TANC1: variants seen among roughly 807,000 people sequenced by gnomAD.
TANC1 encodes the protein tetratricopeptide repeat, ankyrin repeat and coiled-coil containing 1.
Under a neutral mutation model 149.7 loss-of-function variants are expected in TANC1, and 77 were observed. The observed-to-expected ratio is 0.51, with a 90% CI of 0.43 to 0.62. TANC1 has a LOEUF of 0.62. Among genes scored for constraint, TANC1 ranks in the 20% least tolerant of loss-of-function variants. The pLI is 0.00. For missense variants in TANC1, 1,985 were observed against 2,321.8 expected, an observed-to-expected ratio of 0.85 and a Z score of 2.98; for synonymous variants, 854 against 925.0, an observed-to-expected ratio of 0.92 and a Z score of 1.39.
intron 19 of TANC1, 128 bp from the exon 20 acceptor site, chr2:159,217,369 C>T (rs2059414105): frequency 2.5e-6 from 3 of 1,209,206 alleles, no homozygotes; most frequent in Admixed American, 4.1e-5. Context: ...CACAGAGCCC[C>T]CGCAGGTTCA....
intron 3 of TANC1, among the ~76,000 whole-genome samples, chr2:159,071,027 C>T (rs375288349): frequency 2.0e-5 from 3 of 152,036 alleles, no homozygotes; most frequent in East Asian, 3.9e-4. Context: ...GAGATTTTGT[C>T]CTTACTCTGG....
chr2:158,998,256 A>C (rs1387045335), intron 1 of TANC1, among the ~76,000 whole-genome samples: 4 of 152,018 alleles, frequency 2.6e-5, no homozygotes, highest in Non-Finnish European at 4.4e-5. Flanking sequence ...AAAAAAAAAA[A>C]GAAAAAAGTT....
intron 2 of TANC1, among the ~76,000 whole-genome samples, chr2:159,008,945 T>C (rs1174100306): frequency 6.6e-6 from 1 of 152,100 alleles, no homozygotes; most frequent in African/African-American, 2.4e-5. Context: ...TGAATTTAAA[T>C]TTATTTGGGA....
At chr2:159,218,884 C>G (rs763101156) in intron 20 of TANC1, among the ~76,000 whole-genome samples, 90 of 152,192 alleles carry the variant, frequency 5.9e-4, no homozygotes, top group Admixed American at 1.1e-3. Context: ...ACCCCATGAC[C>G]GCTGCTCGCC....
chr2:159,138,711 C>T (rs934326458), intron 5 of TANC1, among the ~76,000 whole-genome samples: 7 of 152,290 alleles, frequency 4.6e-5, no homozygotes, highest in Middle Eastern at 3.4e-3. Flanking sequence ...TTCTAAGACG[C>T]TTTTCTGGGT....
intron 19 of TANC1, among the ~76,000 whole-genome samples, chr2:159,207,032 T>A (rs934137380): frequency 1.5e-4 from 23 of 152,204 alleles, no homozygotes; most frequent in African/African-American, 5.5e-4. Flanking sequence ...AGGAAATTAT[T>A]TTTAAATTGA....
chr2:159,158,166 G>A (rs1170801001), intron 7 of TANC1, among the ~76,000 whole-genome samples: 3 of 152,006 alleles, frequency 2.0e-5, no homozygotes, highest in African/African-American at 7.3e-5. Context: ...AACCAGCCTG[G>A]GCAACATAGG....
chr2:159,219,842 C>A lies in TANC1; in HGVS notation c.3653C>A (p.Ala1218Asp). ...AATGGCCGCACACCCTTGGACCTGG[C>A]TGCCTTCTATGGCGATGCCGAGACT... Reference protein sequence around the residue: ...DKNGRTPLDLAAFYGDAETVL... With the variant: ...DKNGRTPLDLDAFYGDAETVL... Residue 1218 changes from alanine (A) to aspartate (D), a missense_variant, in exon 22 of 27, where the codon GCT (alanine) becomes GAT (aspartate). By Grantham distance (126) the Ala-to-Asp change is moderately radical. Coordinates refer to ENST00000263635, the MANE Select transcript of TANC1 (RefSeq NM_033394.3). The A allele has an allele frequency of 6.2e-7, 1 of 1,613,478 alleles. No individual in the cohort carries two copies. The highest frequency in any genetic ancestry group is 1.1e-5 in the South Asian group (1 of 91,044).
At chr2:159,057,816 G>A (rs2041964767) in intron 2 of TANC1, among the ~76,000 whole-genome samples, 1 of 152,182 alleles carries the variant, frequency 6.6e-6, no homozygotes, top group Non-Finnish European at 1.5e-5. Context: ...CGAAGATGAG[G>A]TGATTCTGTG....
In TANC1 at chr2:159,227,885, T is replaced by A. The variant is rs536619843; in HGVS notation, c.3970T>A (p.Phe1324Ile). Residue 1324 changes from phenylalanine (F) to isoleucine (I), a missense_variant, in exon 25 of 27, where the codon TTC becomes ATC. By Grantham distance (21) the Phe-to-Ile change is conservative. Around this residue, in one of 3 missense-constraint regions of TANC1, gnomAD observed 920 missense variants for 994.7 expected, o/e 0.92. Transcript: ENST00000263635. Reference protein sequence around the residue: ...YALRKFPREGFGEDMRPFNEL... With the variant: ...YALRKFPREGIGEDMRPFNEL... ...CTTAAGAAAGTTTCCTCGAGAAGGA[T>A]TCGGAGAGGACATGAGACCCTTCAA... The A allele has an allele frequency of 1.1e-5, 17 of 1,614,122 alleles. No homozygotes were observed. The African/African-American group carries it at 2.1e-4, about 20-fold the overall frequency.
At chr2:159,153,820 C>G (rs1346298288) in intron 7 of TANC1, among the ~76,000 whole-genome samples, 1 of 152,098 alleles carries the variant, frequency 6.6e-6, no homozygotes, top group Admixed American at 6.5e-5. Flanking sequence ...AAGAGCATGC[C>G]TGTTTTTATA....
intron 19 of TANC1, among the ~76,000 whole-genome samples, chr2:159,207,103 A>G (rs1176784174): frequency 6.6e-6 from 1 of 152,250 alleles, no homozygotes; most frequent in Non-Finnish European, 1.5e-5. Flanking sequence ...CTTACTTGAA[A>G]TGATGCAGAT....
chr2:159,000,092 C>T (rs952408899), intron 1 of TANC1, among the ~76,000 whole-genome samples: 3 of 152,006 alleles, frequency 2.0e-5, no homozygotes, highest in Admixed American at 1.3e-4. Flanking sequence ...TCTTGAGCTG[C>T]GTTTCAAGGG....
intron 3 of TANC1, among the ~76,000 whole-genome samples, chr2:159,085,273 G>A (rs1025566024): frequency 2.0e-5 from 3 of 152,180 alleles, no homozygotes; most frequent in African/African-American, 7.2e-5. Context: ...GCATGGGGAA[G>A]CCATGGCCTT....
At chr2:159,085,460 C>A (rs1158545471) in intron 3 of TANC1, among the ~76,000 whole-genome samples, 4 of 152,100 alleles carry the variant, frequency 2.6e-5, no homozygotes, top group African/African-American at 9.7e-5. Flanking sequence ...CCAGCTTGAT[C>A]ATCATTATTA....
intron 4 of TANC1, among the ~76,000 whole-genome samples, chr2:159,130,502 C>T (rs1469571681): frequency 1.3e-5 from 2 of 152,026 alleles, no homozygotes; most frequent in Admixed American, 6.6e-5. Context: ...ATAGATGGCA[C>T]AGCGATTAGT....
At chr2:159,041,234 G>T (rs1436544087) in intron 2 of TANC1, among the ~76,000 whole-genome samples, 4 of 152,192 alleles carry the variant, frequency 2.6e-5, no homozygotes, top group African/African-American at 9.6e-5. Context: ...GGCTACATGG[G>T]GGTCAGGGAC....
At position 159,082,287 on chromosome 2, in the gene TANC1, C is replaced by T. The variant is rs539056644; in HGVS notation, c.62-15350C>T. 1.3e-5 allele frequency among the ~76,000 whole-genome samples: 2 copies of T among 152,148 alleles called. 1 individual carries two copies. The highest frequency in any genetic ancestry group is 1.3e-4 in the Admixed American group (2 of 15,288). On this transcript the variant is annotated intron_variant, in intron 3 of 26. Transcript: ENST00000263635. ...TGGTGTAGCGGGCAGCTGCCCACTG[C>T]CACCCAACCCTGTACCGAGGGCTCC...
intron 2 of TANC1, among the ~76,000 whole-genome samples, chr2:159,009,320 A>T (rs1220274058): frequency 6.6e-6 from 1 of 152,206 alleles, no homozygotes; most frequent in Non-Finnish European, 1.5e-5. Flanking sequence ...TCCCATGTTT[A>T]TTGCAGCCCT....
Sources: gnomAD v4.1 joint callset for allele counts (sites outside exome capture counted in the v4.1 genomes callset) on GRCh38, gnomAD v4.1.1 for gene constraint, gnomAD v4.1.1 regional missense constraint, MANE v1.5 for transcripts, NCBI Gene and HGNC (gene_info 2026-07-23, HGNC 2026-07-21) for gene names.